The following UBE2D2 variants were observed in gnomAD, a reference collection of about 807,000 sequenced individuals.
UBE2D2 encodes the protein ubiquitin conjugating enzyme E2 D2.
A neutral mutation model predicts 24.2 loss-of-function variants in UBE2D2; 2 were observed. The observed-to-expected ratio is 0.08, with a 90% CI of 0.03 to 0.26. The LOEUF is 0.26. Ranked by LOEUF, UBE2D2 falls within the 10% of genes least tolerant of loss-of-function variation. UBE2D2 has a pLI of 1.00. For missense variants in UBE2D2, 44 were observed against 177.6 expected (o/e 0.25, Z 4.28); for synonymous variants, 58 against 56.5 (o/e 1.03, Z -0.12).
chr5:139,596,972 G>A (rs890525138), intron 1 of UBE2D2, among the ~76,000 whole-genome samples: 8 of 151,840 alleles, frequency 5.3e-5, no homozygotes, highest in Admixed American at 1.3e-4. Context: ...GCGTGAACCC[G>A]GGAGGCGGAG....
chr5:139,611,724 G>A (rs1049126681), intron 2 of UBE2D2, among the ~76,000 whole-genome samples: 1 of 152,090 alleles, frequency 6.6e-6, no homozygotes, highest in Non-Finnish European at 1.5e-5. Context: ...GTTTATAATT[G>A]TTATAAAGGT....
In UBE2D2 at chr5:139,628,353, T is replaced by C. The variant is rs543445664; in HGVS notation, c.*1552T>C. The C allele has an allele frequency of 6.5e-6, 1 of 152,790 alleles. No individual in the cohort carries two copies. The highest frequency in any genetic ancestry group is 1.5e-5 in the Non-Finnish European group (1 of 68,030). The allele number at this position is 152,790 out of a possible 1,614,324, so 9.5% of individuals were successfully genotyped here. On this transcript the variant is annotated 3_prime_UTR_variant, in exon 7 of 7. Coordinates refer to ENST00000398733, the MANE Select transcript of UBE2D2 (RefSeq NM_003339.3). ...AACCTGAAAGCCATGGCTGATGCTC[T>C]AGCCATCAGGTTCTTTCAAATGCAT...
chr5:139,617,328 C>A (rs1754439571), intron 5 of UBE2D2, among the ~76,000 whole-genome samples: 2 of 148,936 alleles, frequency 1.3e-5, no homozygotes, highest in South Asian at 4.2e-4. Flanking sequence ...AATAGACAAG[C>A]AATGTTAGTT....
chr5:139,572,396 C>T (rs562371125), intron 1 of UBE2D2, among the ~76,000 whole-genome samples: 29 of 152,080 alleles, frequency 1.9e-4, no homozygotes, highest in African/African-American at 6.5e-4. Flanking sequence ...CTCAGGAGTT[C>T]AATACCAGCC....
intron 2 of UBE2D2, among the ~76,000 whole-genome samples, chr5:139,606,920 T>C (rs868425939): frequency 1.3e-4 from 20 of 152,170 alleles, no homozygotes; most frequent in Non-Finnish European, 1.3e-4. Flanking sequence ...TTCTCCTGCC[T>C]CAGCCTCCCA....
At chr5:139,573,280 C>T (rs1320722420) in intron 1 of UBE2D2, among the ~76,000 whole-genome samples, 2 of 142,648 alleles carry the variant, frequency 1.4e-5, no homozygotes, top group East Asian at 2.0e-4. Flanking sequence ...CCAGCCTGGA[C>T]GACAGAGCGA....
chr5:139,549,846 G>C (rs190587219), intron 1 of UBE2D2, among the ~76,000 whole-genome samples: 1 of 152,232 alleles, frequency 6.6e-6, no homozygotes, highest in African/African-American at 2.4e-5. Flanking sequence ...TGTCTAGCTG[G>C]AGGAGTGTAC....
intron 1 of UBE2D2, among the ~76,000 whole-genome samples, chr5:139,562,581 T>C (rs1400487944): frequency 6.6e-6 from 1 of 152,170 alleles, no homozygotes; most frequent in African/African-American, 2.4e-5. Flanking sequence ...AGAGAAATTA[T>C]ACAAAAGTTC....
intron 1 of UBE2D2, among the ~76,000 whole-genome samples, chr5:139,526,786 C>T (rs1752545858): frequency 6.6e-6 from 1 of 152,032 alleles, no homozygotes; most frequent in African/African-American, 2.4e-5. Flanking sequence ...CCTGATCACC[C>T]ACGGTGTGCC....
At chr5:139,533,934 C>T (rs569563017) in intron 1 of UBE2D2, among the ~76,000 whole-genome samples, 1 of 151,558 alleles carries the variant, frequency 6.6e-6, no homozygotes, top group African/African-American at 2.4e-5. Context: ...AGGCGCCCGC[C>T]ACCAAGCCTG....
chr5:139,536,645 C>G (rs1752685007), intron 1 of UBE2D2, among the ~76,000 whole-genome samples: 1 of 151,984 alleles, frequency 6.6e-6, no homozygotes, highest in Non-Finnish European at 1.5e-5. Context: ...TGTGAGCCAC[C>G]TTGCCCGGCA....
chr5:139,571,378 G>C (rs1214234147), intron 1 of UBE2D2, among the ~76,000 whole-genome samples: 5 of 148,012 alleles, frequency 3.4e-5, no homozygotes, highest in Admixed American at 6.9e-5. Context: ...CTGTACTCTA[G>C]TCTGGGCGAC....
intron 6 of UBE2D2, 126 bp from the exon 7 acceptor site, chr5:139,626,630 A>G (rs1754634663): frequency 2.7e-6 from 2 of 742,354 alleles, no homozygotes; most frequent in South Asian, 3.2e-5. Context: ...TTTGGGATAG[A>G]AAGGGGCCTT....
intron 1 of UBE2D2, among the ~76,000 whole-genome samples, chr5:139,545,973 C>T (rs569310870): frequency 5.3e-4 from 80 of 151,360 alleles, no homozygotes; most frequent in African/African-American, 1.7e-3. Context: ...GTGATCCACC[C>T]GCCTCAGCCT....
intron 1 of UBE2D2, among the ~76,000 whole-genome samples, chr5:139,538,320 T>G (rs1352543861): frequency 1.3e-5 from 2 of 152,124 alleles, no homozygotes; most frequent in Admixed American, 1.3e-4. Flanking sequence ...AAGTACTTTA[T>G]AGAACACTCA....
intron 1 of UBE2D2, among the ~76,000 whole-genome samples, chr5:139,578,267 T>C (rs964760980): frequency 1.3e-5 from 2 of 152,214 alleles, no homozygotes; most frequent in African/African-American, 4.8e-5. Flanking sequence ...TCTGATCTGC[T>C]TTTGGTACTA....
chr5:139,595,380 GT>G lies in UBE2D2; in HGVS notation c.25-4981del, dbSNP rs1380936097. Among the ~76,000 whole-genome samples, 518 of 148,004 alleles carry G rather than the reference GT, an allele frequency of 3.5e-3. 1 individual carries two copies. The highest frequency in any genetic ancestry group is 0.012 in the African/African-American group (480 of 40,686). The stretch of plus-strand genomic sequence containing the variant: ...TATTTAGATTACACCCCAAATGACA[GT>G]TTTTTTTTTTCCTTGAGTCGGAGTC... On this transcript the variant is annotated intron_variant, in intron 1 of 6. Coordinates refer to ENST00000398733, the MANE Select transcript of UBE2D2 (RefSeq NM_003339.3).
At chr5:139,532,581 G>C (rs1239392059) in intron 1 of UBE2D2, among the ~76,000 whole-genome samples, 4 of 151,898 alleles carry the variant, frequency 2.6e-5, no homozygotes, top group Non-Finnish European at 2.9e-5. Flanking sequence ...TCAATCTCCT[G>C]ACCTCGTGAT....
intron 5 of UBE2D2, among the ~76,000 whole-genome samples, chr5:139,616,450 T>G (rs1248293904): frequency 6.6e-6 from 1 of 152,166 alleles, no homozygotes; most frequent in African/African-American, 2.4e-5. Flanking sequence ...TCAAATATGG[T>G]AATGGATTAA....
Sources: gnomAD v4.1 joint callset for allele counts (sites outside exome capture counted in the v4.1 genomes callset) on GRCh38, gnomAD v4.1.1 for gene constraint, MANE v1.5 for transcripts, NCBI Gene and HGNC (gene_info 2026-07-23, HGNC 2026-07-21) for gene names.